The following PRKD1 variants were observed in gnomAD, a reference collection of about 807,000 sequenced individuals.
PRKD1 encodes protein kinase D1, also known as serine/threonine-protein kinase D1.
Under a neutral mutation model 95.9 loss-of-function variants are expected in PRKD1, and 63 were observed. The ratio of observed to expected loss-of-function variants is 0.66; its 90% CI spans 0.54 to 0.81. The LOEUF is 0.81. Among genes scored for constraint, PRKD1 ranks in the 30% least tolerant of loss-of-function variants. The probability of loss-of-function intolerance (pLI) is 0.00; values close to 1 mark genes in which losing one functional copy is unlikely to be tolerated. For synonymous variants in PRKD1, 425 were observed against 423.1 expected, an observed-to-expected ratio of 1.00 and a Z score of -0.05; for missense variants, 1,048 against 1,165.3, an observed-to-expected ratio of 0.90 and a Z score of 1.47.
chr14:29,853,681 C>T (rs763891002), intron 1 of PRKD1, among the ~76,000 whole-genome samples: 8 of 152,180 alleles, frequency 5.3e-5, no homozygotes, highest in Non-Finnish European at 1.2e-4. Flanking sequence ...ATAGAGGATA[C>T]ATCATGAACT....
chr14:29,902,557 C>T (rs1594615337), intron 1 of PRKD1, among the ~76,000 whole-genome samples: 1 of 152,134 alleles, frequency 6.6e-6, no homozygotes, highest in Non-Finnish European at 1.5e-5. Flanking sequence ...CGGGAATAAA[C>T]ATTTCTTTCC....
In PRKD1 at chr14:29,672,578, C is replaced by T. The variant is rs1261297751; in HGVS notation, c.404-6370G>A. On this transcript the variant is annotated intron_variant, in intron 2 of 17. Coordinates refer to ENST00000331968, the MANE Select transcript of PRKD1 (RefSeq NM_002742.3). ...TTAGAAACAAGAGGTCATAAATCTG[C>T]AGTGATGGAAGAAATCAAATGAAAA... 2.0e-5 allele frequency among the ~76,000 whole-genome samples: 3 copies of T among 151,940 alleles called. 1 individual carries two copies. The highest frequency in any genetic ancestry group is 4.8e-5 in the African/African-American group (2 of 41,412).
At chr14:29,629,175 A>G in intron 10 of PRKD1, 82 bp from the exon 11 acceptor site, 2 of 1,139,914 alleles carry the variant, frequency 1.8e-6, no homozygotes, top group Non-Finnish European at 2.5e-6. Context: ...ATGCTTACAA[A>G]TCATCCTGCA....
At chr14:29,827,020 A>G (rs1594555337) in intron 1 of PRKD1, among the ~76,000 whole-genome samples, 1 of 150,720 alleles carries the variant, frequency 6.6e-6, no homozygotes, top group African/African-American at 2.4e-5. Context: ...AGTGGGAGCT[A>G]AGCTATGAGG....
At chr14:29,768,920 G>A (rs1284702536) in intron 1 of PRKD1, among the ~76,000 whole-genome samples, 3 of 152,078 alleles carry the variant, frequency 2.0e-5, no homozygotes, top group East Asian at 1.9e-4. Context: ...CATGATGTGC[G>A]TTATCCAGCA....
intron 16 of PRKD1, among the ~76,000 whole-genome samples, chr14:29,588,071 T>C (rs1452829430): frequency 2.0e-5 from 3 of 152,228 alleles, no homozygotes; most frequent in Non-Finnish European, 4.4e-5. Context: ...TTCAGCAGGC[T>C]CGCTGGATCT....
At chr14:29,789,120 A>C (rs1861864579) in intron 1 of PRKD1, among the ~76,000 whole-genome samples, 1 of 152,060 alleles carries the variant, frequency 6.6e-6, no homozygotes, top group Non-Finnish European at 1.5e-5. Context: ...TCCTGAGCTC[A>C]AGTGATGTTC....
intron 1 of PRKD1, among the ~76,000 whole-genome samples, chr14:29,899,389 G>T (rs942309113): frequency 5.3e-5 from 8 of 152,168 alleles, no homozygotes; most frequent in Admixed American, 5.2e-4. Flanking sequence ...GCTCACACCT[G>T]TAATCTCAGC....
At chr14:29,915,686 G>A (rs1236338864) in intron 1 of PRKD1, among the ~76,000 whole-genome samples, 1 of 152,232 alleles carries the variant, frequency 6.6e-6, no homozygotes, top group African/African-American at 2.4e-5. Flanking sequence ...AAGCCTTCTA[G>A]ACTAAGGAAT....
chr14:29,926,557 G>A (rs1410644945), intron 1 of PRKD1, among the ~76,000 whole-genome samples: 5 of 152,124 alleles, frequency 3.3e-5, no homozygotes, highest in Admixed American at 3.3e-4. Flanking sequence ...TCAAACTTAA[G>A]GACACAGCCA....
At chr14:29,581,208 C>T (rs1036541060) in intron 16 of PRKD1, among the ~76,000 whole-genome samples, 3 of 152,068 alleles carry the variant, frequency 2.0e-5, no homozygotes, top group Non-Finnish European at 2.9e-5. Flanking sequence ...TTTCAGCCTG[C>T]TTAGTCCTCC....
intron 1 of PRKD1, among the ~76,000 whole-genome samples, chr14:29,778,977 C>T (rs1566596256): frequency 1.3e-5 from 2 of 152,128 alleles, no homozygotes; most frequent in African/African-American, 4.8e-5. Context: ...GCAAGGCTGG[C>T]TCAACATATG....
intron 1 of PRKD1, among the ~76,000 whole-genome samples, chr14:29,881,748 T>C (rs1472904366): frequency 1.3e-5 from 2 of 152,156 alleles, no homozygotes; most frequent in South Asian, 2.1e-4. Context: ...TCAATAAATA[T>C]GGATGTGTTT....
At chr14:29,838,271 T>G (rs1008594125) in intron 1 of PRKD1, among the ~76,000 whole-genome samples, 11 of 151,976 alleles carry the variant, frequency 7.2e-5, no homozygotes, top group South Asian at 2.1e-4. Context: ...TCACTTATCT[T>G]TTTTAATTAA....
At chr14:29,902,889 T>A (rs190850305) in intron 1 of PRKD1, among the ~76,000 whole-genome samples, 1 of 152,286 alleles carries the variant, frequency 6.6e-6, no homozygotes, top group East Asian at 1.9e-4. Flanking sequence ...ATAACGACTG[T>A]TAGAATTTTC....
chr14:29,577,350 T>A lies in PRKD1; in HGVS notation c.2627A>T (p.Gln876Leu), dbSNP rs774699925. Residue 876 changes from glutamine (Q) to leucine (L), a missense_variant, in exon 18 of 18, where the codon CAG (glutamine) becomes CTG (leucine). Coordinates refer to ENST00000331968, the MANE Select transcript of PRKD1 (RefSeq NM_002742.3). ...CAGGTGTGTGGGGTACTGCAGCCCC[T>A]GCTCGCCTGCATACTTCTCCCACCT... ...DLRWEKYAGE[Q>L]GLQYPTHLIN... is the part of the protein sequence containing the mutation. 1 of 1,613,776 alleles carries A rather than the reference T, an allele frequency of 6.2e-7. No individual in the cohort carries two copies. Among genetic ancestry groups the A allele is most frequent in the Admixed American group, 1.7e-5 (1 of 59,974 alleles).
chr14:29,722,048 G>T (rs1029412023), intron 2 of PRKD1, among the ~76,000 whole-genome samples: 10 of 152,016 alleles, frequency 6.6e-5, no homozygotes, highest in Non-Finnish European at 1.5e-5. Context: ...TCTTGATGTT[G>T]TCTGAAGAAA....
chr14:29,917,168 T>G (rs77542945), intron 1 of PRKD1, among the ~76,000 whole-genome samples: 1,542 of 152,326 alleles, frequency 0.01, 22 homozygotes, highest in African/African-American at 0.035. Context: ...TTCTAGCACC[T>G]GAACTAGAAC....
intron 2 of PRKD1, among the ~76,000 whole-genome samples, chr14:29,694,499 A>G (rs1884407169): frequency 1.3e-5 from 2 of 152,244 alleles, no homozygotes; most frequent in Admixed American, 1.3e-4. Flanking sequence ...ATATTTACTG[A>G]TCATCTACTA....
Sources: gnomAD v4.1 joint callset for allele counts (sites outside exome capture counted in the v4.1 genomes callset) on GRCh38, gnomAD v4.1.1 for gene constraint, MANE v1.5 for transcripts, NCBI Gene and HGNC (gene_info 2026-07-23, HGNC 2026-07-21) for gene names.